The following OTOG variants were observed in gnomAD, a reference collection of about 807,000 sequenced individuals.
OTOG encodes the protein otogelin.
Under a neutral mutation model 313.8 loss-of-function variants are expected in OTOG, and 296 were observed. The ratio of observed to expected loss-of-function variants is 0.94; its 90% CI spans 0.86 to 1.04. The LOEUF (loss-of-function observed/expected upper bound fraction) is 1.04, where lower values mean the gene tolerates loss of function less well. Among genes scored for constraint, OTOG ranks in the 50% least tolerant of loss-of-function variants. OTOG has a pLI of 0.00. For synonymous variants in OTOG, 1,533 were observed against 1,554.9 expected (o/e 0.99, Z 0.33); for missense variants, 3,948 against 3,840.1 (o/e 1.03, Z -0.74).
rs771220204 is a variant in OTOG, at chr11:17,640,790, A to C, written c.7981A>C (p.Asn2661His). 5 of 1,550,230 alleles carry C rather than the reference A, an allele frequency of 3.2e-6. No individual in the cohort carries two copies. The South Asian group carries it at 3.6e-5, about 11-fold the overall frequency. The stretch of plus-strand genomic sequence containing the variant: ...TGAGGAGTTCATGCACAGCGTGGAG[A>C]ATGTGTGTGGCTGCGCCAAGTACGA... ...LDEEFMHSVE[N>H]VCGCAKYECV... The change falls in exon 50 of 56, where the codon AAT (asparagine) becomes CAT (histidine). Residue 2661 changes from asparagine to histidine, a missense_variant. Coordinates refer to ENST00000399397, the MANE Select transcript of OTOG (RefSeq NM_001292063.2).
At chr11:17,583,017 G>A (rs1280578371) in intron 23 of OTOG, among the ~76,000 whole-genome samples, 1 of 151,818 alleles carries the variant, frequency 6.6e-6, no homozygotes, top group East Asian at 1.9e-4. Context: ...CATTTCTGAT[G>A]AGGTCTAATT....
Position 17,610,199 on chromosome 11 carries a change from A to AC in OTOG, c.4904dup (p.Gln1636ThrfsTer39). On this transcript the variant is annotated frameshift_variant, in exon 36 of 56. Coordinates refer to ENST00000399397, the MANE Select transcript of OTOG (RefSeq NM_001292063.2). LOFTEE classifies it high-confidence loss of function. ...ATGGCTCCTTGCCTGTTAGGACGAC[A>AC]CCCCCACAGCCCTCCTTGACAGCAA... 1 of 1,549,892 alleles carries AC rather than the reference A, an allele frequency of 6.5e-7. No individual in the cohort carries two copies. The highest frequency in any genetic ancestry group is 8.7e-7 in the Non-Finnish European group (1 of 1,146,752).
intron 17 of OTOG, among the ~76,000 whole-genome samples, chr11:17,571,624 C>G (rs893882199): frequency 6.6e-6 from 1 of 152,168 alleles, no homozygotes; most frequent in African/African-American, 2.4e-5. Context: ...TGATACTCTT[C>G]ATGATGTCCC....
chr11:17,564,002 C>T (rs1429417250), intron 15 of OTOG, among the ~76,000 whole-genome samples: 1 of 152,052 alleles, frequency 6.6e-6, no homozygotes, highest in Non-Finnish European at 1.5e-5. Context: ...GGCCATCAGC[C>T]CTTCTCTCTA....
At chr11:17,560,631 TCAGAGGCC>T in intron 12 of OTOG, 70 bp from the exon 13 acceptor site, 2 of 1,002,062 alleles carry the variant, frequency 2.0e-6, no homozygotes, top group South Asian at 2.9e-5. Flanking sequence ...GGGATCTTTA[TCAGAGGCC>T]CTGGGGAGCC....
At chr11:17,631,040 G>A (rs1431408526) in intron 40 of OTOG, among the ~76,000 whole-genome samples, 1 of 152,198 alleles carries the variant, frequency 6.6e-6, no homozygotes, top group Non-Finnish European at 1.5e-5. Context: ...ATTCACAGGA[G>A]AGGAGACAGG....
chr11:17,594,589 T>C (rs534085372), intron 28 of OTOG, among the ~76,000 whole-genome samples: 1 of 152,126 alleles, frequency 6.6e-6, no homozygotes, highest in East Asian at 1.9e-4. Context: ...GGCTGGGCCA[T>C]GCTTAAATAG....
intron 15 of OTOG, among the ~76,000 whole-genome samples, chr11:17,562,713 A>T (rs1271511238): frequency 1.3e-5 from 2 of 152,248 alleles, no homozygotes; most frequent in African/African-American, 4.8e-5. Flanking sequence ...GTTTAAAAAA[A>T]AATCTCTAAA....
At chr11:17,582,402 T>C (rs1274025297) in intron 23 of OTOG, among the ~76,000 whole-genome samples, 1 of 152,224 alleles carries the variant, frequency 6.6e-6, no homozygotes, top group East Asian at 1.9e-4. Context: ...CAGTTATTTA[T>C]CTGCTCAAGC....
In OTOG at chr11:17,613,647, G is replaced by A. The variant is rs1173433518; in HGVS notation, c.6474G>A (p.Met2158Ile). Residue 2158 changes from methionine (M) to isoleucine (I), a missense_variant, in exon 39 of 56, where the codon ATG (methionine) becomes ATA (isoleucine). By Grantham distance (10) the Met-to-Ile change is conservative (BLOSUM62 1). Coordinates refer to ENST00000399397, the MANE Select transcript of OTOG (RefSeq NM_001292063.2). ...ACTGGCCCCCGTTCTGTCTGGTGATGTTGAACATGACTCACTTGGCCCATC... is the reference window on the plus strand; with the variant it reads ...ACTGGCCCCCGTTCTGTCTGGTGATATTGAACATGACTCACTTGGCCCATC... ...HLNWPPFCLV[M>I]LNMTHLAHQV... is the part of the protein sequence containing the mutation. 2.6e-6 allele frequency: 4 copies of A among 1,550,690 alleles called. No individual in the cohort carries two copies. Among genetic ancestry groups the A allele is most frequent in the South Asian group, 1.2e-5 (1 of 84,046 alleles).
intron 25 of OTOG, 119 bp downstream of exon 25, chr11:17,591,707 G>T (rs1282429491): frequency 3.8e-6 from 5 of 1,314,506 alleles, no homozygotes; most frequent in Non-Finnish European, 5.2e-6. Flanking sequence ...CCTGAGGTGG[G>T]GCTATCTAGA....
intron 6 of OTOG, among the ~76,000 whole-genome samples, chr11:17,555,541 G>A (rs535318196): frequency 4.6e-5 from 7 of 152,308 alleles, no homozygotes; most frequent in Admixed American, 4.6e-4. Flanking sequence ...CCAGACCGGG[G>A]CTAGAATCCC....
At chr11:17,624,041 A>G (rs1265635452) in intron 39 of OTOG, among the ~76,000 whole-genome samples, 2 of 152,178 alleles carry the variant, frequency 1.3e-5, no homozygotes, top group African/African-American at 4.8e-5. Flanking sequence ...TTCCTTATAG[A>G]TACTGGATGT....
At chr11:17,581,921 A>G (rs1473221879) in intron 23 of OTOG, among the ~76,000 whole-genome samples, 2 of 152,210 alleles carry the variant, frequency 1.3e-5, no homozygotes, top group African/African-American at 4.8e-5. Context: ...TGTAAATAGA[A>G]TCATACACTA....
chr11:17,612,529 G>T, intron 37 of OTOG, 91 bp from the exon 38 acceptor site: 1 of 1,456,326 alleles, frequency 6.9e-7, no homozygotes, highest in African/African-American at 1.4e-5. Flanking sequence ...CATCCATCCA[G>T]GAAAAGGGCC....
Position 17,555,901 on chromosome 11 carries a change from ACT to A in OTOG, c.659+7_659+8del. ...AGGTCACCCATGGAGGCATGAGGTAACTCTAACACCTTCCACATCGAGCTGTC... is the reference window on the plus strand; with the variant it reads ...AGGTCACCCATGGAGGCATGAGGTAACTAACACCTTCCACATCGAGCTGTC... On this transcript the variant is annotated splice_donor_5th_base_variant and intron_variant, in intron 7 of 55. Coordinates refer to ENST00000399397, the MANE Select transcript of OTOG (RefSeq NM_001292063.2). The A allele has an allele frequency of 6.5e-7, 1 of 1,544,900 alleles. No homozygotes were observed. Among genetic ancestry groups the A allele is most frequent in the Non-Finnish European group, 8.8e-7 (1 of 1,141,500 alleles).
At chr11:17,581,057 G>C (rs533584767) in intron 23 of OTOG, among the ~76,000 whole-genome samples, 12 of 152,278 alleles carry the variant, frequency 7.9e-5, no homozygotes, top group Admixed American at 3.3e-4. Flanking sequence ...CTTGCAGAGG[G>C]GAAGGCCAAG....
intron 42 of OTOG, 110 bp downstream of exon 42, chr11:17,632,336 T>A (rs1854151599): frequency 8.8e-7 from 1 of 1,130,200 alleles, no homozygotes; most frequent in Non-Finnish European, 1.2e-6. Flanking sequence ...CCAGCTTTAA[T>A]CATTCATGGA....
At chr11:17,576,676 G>A in intron 21 of OTOG, 46 bp downstream of exon 21, 1 of 1,510,634 alleles carries the variant, frequency 6.6e-7, no homozygotes, top group Non-Finnish European at 9.0e-7. Flanking sequence ...TTTAAAGGGA[G>A]GCTGCTGACT....
Sources: gnomAD v4.1 joint callset for allele counts (sites outside exome capture counted in the v4.1 genomes callset) on GRCh38, gnomAD v4.1.1 for gene constraint, MANE v1.5 for transcripts, NCBI Gene and HGNC (gene_info 2026-07-23, HGNC 2026-07-21) for gene names.